ASPM: variants seen among roughly 807,000 people sequenced by gnomAD.
ASPM encodes assembly factor for spindle microtubules.
In ASPM, 256 loss-of-function variants were observed where a neutral mutation model predicts 366.4. That is an observed-to-expected ratio of 0.70 (90% CI 0.63 to 0.77). ASPM has a LOEUF of 0.77. Among genes scored for constraint, ASPM ranks in the 30% least tolerant of loss-of-function variants. The pLI is 0.00. For missense variants in ASPM, 4,146 were observed against 4,090.4 expected, an observed-to-expected ratio of 1.01 and a Z score of -0.37; for synonymous variants, 1,414 against 1,342.9, an observed-to-expected ratio of 1.05 and a Z score of -1.16.
intron 17 of ASPM, among the ~76,000 whole-genome samples, chr1:197,116,814 A>G (rs1657751168): frequency 6.6e-6 from 1 of 152,166 alleles, no homozygotes; most frequent in Non-Finnish European, 1.5e-5. Context: ...AAGAATTCAT[A>G]TGGTTTGAAC....
intron 18 of ASPM, among the ~76,000 whole-genome samples, chr1:197,097,971 G>C (rs1006743345): frequency 1.0e-4 from 15 of 148,954 alleles, no homozygotes; most frequent in Admixed American, 2.7e-4. Context: ...TATATGTATA[G>C]ATATACGTGT....
intron 26 of ASPM, among the ~76,000 whole-genome samples, chr1:197,087,936 C>A (rs561861857): frequency 6.6e-6 from 1 of 152,248 alleles, no homozygotes; most frequent in African/African-American, 2.4e-5. Context: ...GCTTGAAATA[C>A]AATTATGGTT....
chr1:197,133,251 T>C, intron 6 of ASPM, 99 bp downstream of exon 6: 1 of 1,295,030 alleles, frequency 7.7e-7, no homozygotes, highest in Non-Finnish European at 1.1e-6. Flanking sequence ...ATGCCAGTTT[T>C]ACCTGTCAAT....
At chr1:197,105,314 T>C in intron 17 of ASPM, 129 bp from the exon 18 acceptor site, 1 of 772,184 alleles carries the variant, frequency 1.3e-6, no homozygotes, top group Middle Eastern at 3.7e-4. Flanking sequence ...CTAATTATTT[T>C]TGTGAGATAT....
chr1:197,117,880 T>C lies in ASPM; in HGVS notation c.3974A>G (p.Tyr1325Cys). 1 of 1,613,626 alleles carries C rather than the reference T, an allele frequency of 6.2e-7. No individual in the cohort carries two copies. The change falls in exon 17 of 28, where the codon TAT (tyrosine) becomes TGT (cysteine). Residue 1325 changes from tyrosine (Y) to cysteine (C), a missense_variant. This residue lies in a region of ASPM where 3,624 missense variants were observed against 3,591.7 expected (regional missense o/e 1.01). Transcript: ENST00000367409. ...RVNAALVIQK[Y>C]WRRVLAQRKL... ...TCTCTGTGCTAAGACTCTTCGCCAA[T>C]ATTTCTGAATGACGAGTGCTGCATT...
At chr1:197,134,154 T>C (rs1355354647) in intron 5 of ASPM, among the ~76,000 whole-genome samples, 1 of 151,886 alleles carries the variant, frequency 6.6e-6, no homozygotes, top group African/African-American at 2.4e-5. Flanking sequence ...TCCCAGCCTT[T>C]TGGGAGGCCA....
At chr1:197,140,042 C>A (rs1367689539) in intron 3 of ASPM, among the ~76,000 whole-genome samples, 171 bp from the exon 4 acceptor site, 1 of 152,178 alleles carries the variant, frequency 6.6e-6, no homozygotes, top group African/African-American at 2.4e-5. Flanking sequence ...TTTATCAAAC[C>A]AACATCCAGA....
Position 197,101,792 on chromosome 1 carries a change from T to G in ASPM, c.7459A>C (p.Ile2487Leu). 1 of 1,612,842 alleles carries G rather than the reference T, an allele frequency of 6.2e-7. No homozygotes were observed. Among genetic ancestry groups the G allele is most frequent in the Non-Finnish European group, 8.5e-7 (1 of 1,179,324 alleles). Residue 2487 changes from isoleucine to leucine, a missense_variant, in exon 18 of 28, where the codon ATT becomes CTT. Coordinates refer to ENST00000367409, the MANE Select transcript of ASPM (RefSeq NM_018136.5). Reference protein sequence around the residue: ...LQEMQRAAVLIQATFRMYRTY... With the variant: ...LQEMQRAAVLLQATFRMYRTY... ...CTGTACATCCTGAAAGTAGCCTGAATGAGAACTGCAGCCCTTTGCATTTCT... is the reference window on the plus strand; with the variant it reads ...CTGTACATCCTGAAAGTAGCCTGAAGGAGAACTGCAGCCCTTTGCATTTCT...
chr1:197,086,781 T>C lies in ASPM; in HGVS notation c.10331+22A>G, dbSNP rs770296600. 3.8e-6 allele frequency: 6 copies of C among 1,566,034 alleles called. No homozygotes were observed. The South Asian group carries it at 5.6e-5, about 15-fold the overall frequency. ...ATGAATGAACAGTGACACAAATTTATGGACTATATTTAATTGCTTACCTTG... is the reference window on the plus strand; with the variant it reads ...ATGAATGAACAGTGACACAAATTTACGGACTATATTTAATTGCTTACCTTG... On this transcript the variant is annotated intron_variant, in intron 27 of 27. Coordinates refer to ENST00000367409, the MANE Select transcript of ASPM (RefSeq NM_018136.5).
intron 16 of ASPM, among the ~76,000 whole-genome samples, chr1:197,121,421 T>G (rs1295222190): frequency 1.3e-5 from 2 of 152,042 alleles, no homozygotes; most frequent in Non-Finnish European, 1.5e-5. Context: ...TTAAAACTAA[T>G]AAAGGATAAA....
chr1:197,100,929 T>A lies in ASPM; in HGVS notation c.8322A>T (p.Ala2774=), dbSNP rs1215383936. The change falls in exon 18 of 28, where the codon GCA becomes GCT. Residue 2774 remains alanine, a synonymous_variant. Transcript: ENST00000367409. ...EKMAAIVNQS[A]LCCYRSKTQY... ...GAGTTTTACTTCTGTAACAGCAGAG[T>A]GCAGATTGGTTAACAATGGCTGCCA... 1 of 1,612,648 alleles carries A rather than the reference T, an allele frequency of 6.2e-7. No individual in the cohort carries two copies. The highest frequency in any genetic ancestry group is 1.7e-5 in the Admixed American group (1 of 59,772).
At position 197,090,252 on chromosome 1, in the gene ASPM, T is replaced by C. The variant is rs7528827; in HGVS notation, c.9773A>G (p.His3258Arg). 1.4e-3 allele frequency: 2,241 copies of C among 1,613,552 alleles called. 14 individuals are homozygous for C. The African/African-American group carries it at 0.022, about 16-fold the overall frequency. Residue 3258 changes from histidine to arginine, a missense_variant, in exon 24 of 28, where the codon CAT becomes CGT. Transcript: ENST00000367409. Reference sequence around the variant, plus strand: ...AAGGTGCTTATATGTCAAAAGGTAATGAAGTGCAAGTGCAGTTCTTTTGTA... The same window carrying C: ...AAGGTGCTTATATGTCAAAAGGTAACGAAGTGCAAGTGCAGTTCTTTTGTA... ...KLYKRTALAL[H>R]YLLTYKHLSA...
chr1:197,142,889 C>T lies in ASPM; in HGVS notation c.1363G>A (p.Val455Ile), dbSNP rs751871818. ...KSPKAIFEEL[V>I]EMKSNYYSFI... ...CTGTAGTAATTTGACTTCATTTCTA[C>T]TAGTTCTTCAAAAATAGCTTTGGGA... is the stretch of plus-strand genomic sequence containing the variant. Residue 455 changes from valine (V) to isoleucine (I), a missense_variant, in exon 3 of 28, where the codon GTA becomes ATA. Around this residue, in one of 3 missense-constraint regions of ASPM, gnomAD observed 3,624 missense variants for 3,591.7 expected, o/e 1.01. Coordinates refer to ENST00000367409, the MANE Select transcript of ASPM (RefSeq NM_018136.5). 2.5e-5 allele frequency: 41 copies of T among 1,613,482 alleles called. No individual in the cohort carries two copies. The South Asian group carries it at 4.3e-4, about 17-fold the overall frequency.
rs1189956668 is a variant in ASPM at position 197,133,586 on chromosome 1, G to C, written c.2183C>G (p.Ala728Gly). The C allele has an allele frequency of 6.2e-7, 1 of 1,612,980 alleles. No individual in the cohort carries two copies. The highest frequency in any genetic ancestry group is 1.1e-5 in the South Asian group (1 of 91,008). ...VKTNISEVNA[A>G]TLLLGIENQH... is the part of the protein sequence containing the mutation. ...ATTCTCTATTCCCAAAAGAAGAGTA[G>C]CAGCATTTACTGGGTAAAAACAAAA... The change falls in exon 6 of 28, where the codon GCT becomes GGT. Residue 728 changes from alanine to glycine, a missense_variant. Ala to Gly is a moderately conservative substitution (Grantham distance 60). Coordinates refer to ENST00000367409, the MANE Select transcript of ASPM (RefSeq NM_018136.5).
At chr1:197,098,873 T>G (rs1657065865) in intron 18 of ASPM, among the ~76,000 whole-genome samples, 1 of 151,550 alleles carries the variant, frequency 6.6e-6, no homozygotes. Context: ...TCTCCTGAAC[T>G]CCAGACAAAC....
rs1571597883 is a variant in ASPM at position 197,101,287 on chromosome 1, T to A, written c.7964A>T (p.Gln2655Leu). Residue 2655 changes from glutamine (Q) to leucine (L), a missense_variant, in exon 18 of 28, where the codon CAA becomes CTA. Transcript: ENST00000367409. ...LHLRATVVSI[Q>L]RRYRKLTAVR... Reference sequence around the variant, plus strand: ...TGCAGTTAGTTTTCTGTATCTTCTTTGAATAGAAACTACTGTTGCTCTAAG... The same window carrying A: ...TGCAGTTAGTTTTCTGTATCTTCTTAGAATAGAAACTACTGTTGCTCTAAG... 6.2e-7 allele frequency: 1 copy of A among 1,611,936 alleles called. No individual in the cohort carries two copies.
chr1:197,090,643 T>G (rs921172636), intron 23 of ASPM, among the ~76,000 whole-genome samples: 2 of 152,086 alleles, frequency 1.3e-5, no homozygotes, highest in Non-Finnish European at 2.9e-5. Context: ...GTTAAAATAT[T>G]TTTACTTCTT....
At chr1:197,144,876 T>C (rs1229744479) in intron 1 of ASPM, among the ~76,000 whole-genome samples, 8 of 152,154 alleles carry the variant, frequency 5.3e-5, no homozygotes, top group African/African-American at 1.7e-4. Flanking sequence ...TAATATAACA[T>C]CATAAACAAC....
chr1:197,127,824 A>G (rs1658134823), intron 10 of ASPM, among the ~76,000 whole-genome samples: 3 of 152,178 alleles, frequency 2.0e-5, no homozygotes, highest in Admixed American at 1.3e-4. Context: ...TAATACTACT[A>G]AAAATGGTCT....
Sources: allele counts gnomAD v4.1 joint callset (sites outside exome capture counted in the v4.1 genomes callset), GRCh38; gene constraint gnomAD v4.1.1; regional missense constraint gnomAD v4.1.1; transcripts MANE v1.5; gene names NCBI Gene and HGNC (gene_info 2026-07-23, HGNC 2026-07-21).